Variants in RBFOX1 observed in about 807,000 individuals in gnomAD.
RBFOX1 encodes RNA binding protein fox-1 homolog 1.
Under a neutral mutation model 57.7 loss-of-function variants are expected in RBFOX1, and 8 were observed. The observed-to-expected ratio is 0.14, with a 90% CI of 0.08 to 0.25. The LOEUF is 0.25. Ranked by LOEUF, RBFOX1 falls within the 10% of genes least tolerant of loss-of-function variation. The pLI, the probability that RBFOX1 is intolerant of heterozygous loss-of-function variation, is 1.00. For missense variants in RBFOX1, 611 were observed against 548.5 expected, an observed-to-expected ratio of 1.11 and a Z score of -1.14; for synonymous variants, 326 against 222.4, an observed-to-expected ratio of 1.47 and a Z score of -4.15.
chr16:5,856,475 G>C (rs929759025), intron 3 of RBFOX1, among the ~76,000 whole-genome samples: 1 of 135,798 alleles, frequency 7.4e-6, no homozygotes, highest in Admixed American at 7.7e-5. Context: ...GATCCTCAGA[G>C]CTTATCCTAC....
chr16:7,363,331 C>T (rs562186556), intron 4 of RBFOX1, among the ~76,000 whole-genome samples: 196 of 152,228 alleles, frequency 1.3e-3, no homozygotes, highest in African/African-American at 4.6e-3. Context: ...GTGTTACTTA[C>T]AACGTGTGAG....
intron 1 of RBFOX1, among the ~76,000 whole-genome samples, chr16:5,466,417 A>T (rs1251001439): frequency 6.6e-6 from 1 of 151,892 alleles, no homozygotes; most frequent in East Asian, 1.9e-4. Flanking sequence ...GACCCAACGG[A>T]GGTGCTTGGC....
intron 2 of RBFOX1, chr16:5,467,383 A>C (rs2068986982): frequency 1.2e-6 from 1 of 853,350 alleles, no homozygotes; most frequent in Non-Finnish European, 1.8e-6. Flanking sequence ...CAACCACAGC[A>C]CAGTTCATCC....
At chr16:7,693,180 A>C (rs1340765317) in intron 14 of RBFOX1, 6 of 691,500 alleles carry the variant, frequency 8.7e-6, no homozygotes, top group Middle Eastern at 4.9e-4. Flanking sequence ...TCTGAGGTAC[A>C]TCAGCACATT....
chr16:6,104,542 C>G (rs986105471), intron 1 of RBFOX1, among the ~76,000 whole-genome samples: 2 of 152,104 alleles, frequency 1.3e-5, no homozygotes, highest in South Asian at 2.1e-4. Context: ...AAAGAGAGCT[C>G]GCCTCCAAGC....
At position 7,015,337 on chromosome 16, in the gene RBFOX1, C is replaced by T. The variant is rs556228107; in HGVS notation, c.-15-36720C>T. Among the ~76,000 whole-genome samples, 9 of 152,110 alleles carry T rather than the reference C, an allele frequency of 5.9e-5. No homozygotes were observed. The South Asian group carries it at 8.3e-4, about 14-fold the overall frequency. The stretch of plus-strand genomic sequence containing the variant: ...TCTAGACTATGGAGTAGATCTGGAG[C>T]TTGGCTTCTTAGCCTTTTCTGGGCA... On this transcript the variant is annotated intron_variant, in intron 3 of 15. Transcript: ENST00000550418.
intron 1 of RBFOX1, among the ~76,000 whole-genome samples, chr16:6,316,004 T>C (rs956995115): frequency 2.0e-4 from 30 of 152,346 alleles, no homozygotes; most frequent in African/African-American, 7.2e-4. Flanking sequence ...CTGCAAATAA[T>C]GTTTAAAATT....
At chr16:6,859,187 A>ATATG in intron 3 of RBFOX1, among the ~76,000 whole-genome samples, 1 of 64,018 alleles carries the variant, frequency 1.6e-5, no homozygotes, top group East Asian at 6.4e-4. Flanking sequence ...ATATATATGT[A>ATATG]TATATATATG....
At chr16:5,705,680 C>G (rs2051218437) in intron 3 of RBFOX1, among the ~76,000 whole-genome samples, 1 of 152,152 alleles carries the variant, frequency 6.6e-6, no homozygotes, top group South Asian at 2.1e-4. Flanking sequence ...AGAGATGAGA[C>G]CTGACTCATA....
intron 2 of RBFOX1, among the ~76,000 whole-genome samples, chr16:6,507,010 G>A (rs1221236614): frequency 6.6e-6 from 1 of 152,094 alleles, no homozygotes; most frequent in East Asian, 1.9e-4. Flanking sequence ...TACTGTGGTA[G>A]AGGGCTCATG....
intron 10 of RBFOX1, chr16:7,614,228 G>A (rs529357946): frequency 6.6e-6 from 1 of 152,332 alleles, no homozygotes; most frequent in Non-Finnish European, 1.5e-5. Flanking sequence ...GGAGAGTCCA[G>A]ATTTAAGTCC....
intron 4 of RBFOX1, among the ~76,000 whole-genome samples, chr16:7,071,388 G>C (rs1273952434): frequency 1.3e-5 from 2 of 152,094 alleles, no homozygotes; most frequent in East Asian, 3.9e-4. Context: ...AAGCGCAGAG[G>C]AGAGTATTAT....
At chr16:6,881,400 G>A (rs923684808) in intron 3 of RBFOX1, among the ~76,000 whole-genome samples, 1 of 152,182 alleles carries the variant, frequency 6.6e-6, no homozygotes, top group African/African-American at 2.4e-5. Flanking sequence ...TAGAAGTCCA[G>A]AATGAAGGTG....
chr16:5,376,778 A>G (rs565646), intron 1 of RBFOX1, among the ~76,000 whole-genome samples: 26,989 of 149,592 alleles, frequency 0.18, 3,132 homozygotes, highest in African/African-American at 0.29. Flanking sequence ...TTTCCTTCCA[A>G]GCTTGGGGTA....
At chr16:5,653,197 G>T (rs1466805807) in intron 3 of RBFOX1, among the ~76,000 whole-genome samples, 1 of 152,150 alleles carries the variant, frequency 6.6e-6, no homozygotes, top group East Asian at 1.9e-4. Flanking sequence ...TGCGGAAGGT[G>T]GGGTGCTTAG....
intron 1 of RBFOX1, among the ~76,000 whole-genome samples, chr16:6,047,946 C>G (rs532777211): frequency 3.3e-5 from 5 of 152,158 alleles, no homozygotes; most frequent in Admixed American, 3.3e-4. Flanking sequence ...AGTGACATGT[C>G]TGCATGTTGG....
At chr16:7,016,804 C>G (rs1055952592) in intron 3 of RBFOX1, among the ~76,000 whole-genome samples, 1 of 152,092 alleles carries the variant, frequency 6.6e-6, no homozygotes, top group African/African-American at 2.4e-5. Flanking sequence ...GACGTGGTTA[C>G]CCGCCAGGTG....
At chr16:7,419,435 G>A (rs759097409) in intron 4 of RBFOX1, among the ~76,000 whole-genome samples, 11 of 152,174 alleles carry the variant, frequency 7.2e-5, no homozygotes, top group Non-Finnish European at 1.0e-4. Flanking sequence ...TCCCACTCCC[G>A]CCTTGGCGCA....
intron 1 of RBFOX1, among the ~76,000 whole-genome samples, chr16:6,154,575 T>C (rs2096825667): frequency 1.3e-5 from 2 of 152,198 alleles, no homozygotes; most frequent in African/African-American, 2.4e-5. Flanking sequence ...ATGGTCTAAA[T>C]CTTCTCCCTC....
Sources: gnomAD v4.1 joint callset for allele counts (sites outside exome capture counted in the v4.1 genomes callset) on GRCh38, gnomAD v4.1.1 for gene constraint, MANE v1.5 for transcripts, NCBI Gene and HGNC (gene_info 2026-07-23, HGNC 2026-07-21) for gene names.